Variants in EXD3 observed in about 807,000 individuals in gnomAD.
The protein encoded by EXD3 is exonuclease 3'-5' domain containing 3, also known as exonuclease mut-7 homolog.
Under a neutral mutation model 98.0 loss-of-function variants are expected in EXD3, and 92 were observed. That is an observed-to-expected ratio of 0.94 (90% confidence interval 0.79 to 1.12). The LOEUF is 1.12. Among genes scored for constraint, EXD3 ranks in the 50% most tolerant of loss-of-function variants. The probability of loss-of-function intolerance (pLI) is 0.00; values close to 1 mark genes in which losing one functional copy is unlikely to be tolerated. For missense variants in EXD3, 1,222 were observed against 1,191.6 expected (o/e 1.03, Z -0.38); for synonymous variants, 569 against 526.0 (o/e 1.08, Z -1.12).
In EXD3 at chr9:137,327,428, C is replaced by T. The variant is rs566013814; in HGVS notation, c.1999-3285G>A. 1.1e-3 allele frequency among the ~76,000 whole-genome samples: 167 copies of T among 152,188 alleles called. 1 individual carries two copies. Among genetic ancestry groups the T allele is most frequent in the African/African-American group, 3.5e-3 (147 of 41,504 alleles). On this transcript the variant is annotated intron_variant, in intron 17 of 21. Transcript: ENST00000340951. ...GATTACAGGTGTGAGCCACCGCGCC[C>T]GGCCAGTATGGAGTCTTTGGGATGA...
chr9:137,364,913 C>T (rs1017715630), intron 7 of EXD3, among the ~76,000 whole-genome samples: 16 of 151,618 alleles, frequency 1.1e-4, no homozygotes, highest in South Asian at 2.1e-4. Context: ...GGACTACAGG[C>T]GCCTGCTACC....
chr9:137,322,002 C>T (rs1336770758), intron 19 of EXD3, among the ~76,000 whole-genome samples: 2 of 152,212 alleles, frequency 1.3e-5, no homozygotes, highest in Non-Finnish European at 2.9e-5. Context: ...CCCAGTCCCC[C>T]ACTGGGGACA....
intron 1 of EXD3, among the ~76,000 whole-genome samples, chr9:137,396,429 G>A (rs1487958228): frequency 3.3e-5 from 5 of 152,130 alleles, no homozygotes; most frequent in Non-Finnish European, 5.9e-5. Context: ...TGTGAACTCC[G>A]AATCCTAACA....
At chr9:137,361,611 T>C (rs1010621993) in intron 7 of EXD3, among the ~76,000 whole-genome samples, 10 of 151,010 alleles carry the variant, frequency 6.6e-5, no homozygotes, top group Non-Finnish European at 8.9e-5. Flanking sequence ...CCAGGTGTGG[T>C]GGCAGGAGCC....
chr9:137,420,960 G>A (rs1838487544), intron 1 of EXD3, among the ~76,000 whole-genome samples: 1 of 152,164 alleles, frequency 6.6e-6, no homozygotes, highest in Non-Finnish European at 1.5e-5. Context: ...GACTACAGGT[G>A]AGCACCACTA....
At chr9:137,396,843 T>C (rs1396597326) in intron 1 of EXD3, among the ~76,000 whole-genome samples, 1 of 152,172 alleles carries the variant, frequency 6.6e-6, no homozygotes, top group Non-Finnish European at 1.5e-5. Context: ...TGATATATCT[T>C]AGGAAACCAG....
chr9:137,353,612 G>A (rs543154786), intron 10 of EXD3: 499 of 985,972 alleles, frequency 5.1e-4, no homozygotes, highest in Admixed American at 8.0e-4. Context: ...AGCCACCGTG[G>A]CAGCGCCCAG....
chr9:137,314,142 G>A (rs1477348544), intron 19 of EXD3, among the ~76,000 whole-genome samples: 2 of 152,174 alleles, frequency 1.3e-5, no homozygotes, highest in African/African-American at 4.8e-5. Context: ...TGCTGGACAG[G>A]GCGAGCCAGC....
At chr9:137,343,575 C>CTGTTTTTTTTT (rs1833760148) in intron 17 of EXD3, 1 of 56,586 alleles carries the variant, frequency 1.8e-5, no homozygotes, top group African/African-American at 7.9e-5. Context: ...ACTACTGTAT[C>CTGTTTTTTTTT]TTTTTTTTTT....
Position 137,349,280 on chromosome 9 carries a change from C to T in EXD3, c.1660G>A (p.Ala554Thr). 1 of 1,564,580 alleles carries T rather than the reference C, an allele frequency of 6.4e-7. No homozygotes were observed. Among genetic ancestry groups the T allele is most frequent in the African/African-American group, 1.3e-5 (1 of 74,176 alleles). Residue 554 changes from alanine to threonine, a missense_variant and splice_region_variant, in exon 16 of 22, where the codon GCC (alanine) becomes ACC (threonine). Coordinates refer to ENST00000340951, the MANE Select transcript of EXD3 (RefSeq NM_017820.5). The surrounding 1 kb of genome is among the most constrained non-coding windows in gnomAD (Gnocchi z 7.4). The stretch of plus-strand genomic sequence containing the variant: ...ACCTCCAGCAGGCAGTAGGCGTCGG[C>T]AGCTGTGTGGGGAGTCGGCCTCAGC... ...LCEEQVIYAAADAYCLLEVHQ... is the reference protein window; with the variant it reads ...LCEEQVIYAATDAYCLLEVHQ...
intron 9 of EXD3, 92 bp from the exon 10 acceptor site, chr9:137,354,469 A>G (rs1834503233): frequency 1.3e-6 from 2 of 1,583,092 alleles, no homozygotes; most frequent in Non-Finnish European, 1.7e-6. Flanking sequence ...CTGGCAGGGT[A>G]CATCCTTGGC....
intron 21 of EXD3, 65 bp from the exon 22 acceptor site, chr9:137,307,328 A>C (rs1588207527): frequency 7.0e-7 from 1 of 1,438,746 alleles, no homozygotes; most frequent in Non-Finnish European, 9.1e-7. Flanking sequence ...GGCTGCTCCC[A>C]GAGTGGTGCA....
In EXD3 at chr9:137,359,087, C is replaced by T. The variant is rs1187125344; in HGVS notation, c.657-2719G>A. On this transcript the variant is annotated intron_variant, in intron 7 of 21. Transcript: ENST00000340951. Reference sequence around the variant, plus strand: ...TCAGCCTCCAGAGTAGCTGGGACTACAGGCGCCCGCCACCACGCCTGGGTA... The same window carrying T: ...TCAGCCTCCAGAGTAGCTGGGACTATAGGCGCCCGCCACCACGCCTGGGTA... 6.1e-5 allele frequency among the ~76,000 whole-genome samples: 2 copies of T among 32,848 alleles called. 1 individual carries two copies. Among genetic ancestry groups the T allele is most frequent in the Non-Finnish European group, 1.8e-4 (2 of 11,100 alleles). 21.5% of individuals were successfully genotyped at this position (32,848 alleles called of 152,430 possible).
intron 7 of EXD3, chr9:137,366,282 C>A (rs1293623539): frequency 6.8e-6 from 5 of 732,316 alleles, no homozygotes; most frequent in Admixed American, 2.0e-5. Context: ...TCTTTTCACT[C>A]GGGAGAAGAG....
rs147848320 is a variant in EXD3, at chr9:137,360,155, T to C, written c.657-3787A>G. Reference sequence around the variant, plus strand: ...TGCATTTCCCTGATATTAATGGTGCTTAGCAACTTTTCCTACATTGGCTAT... The same window carrying C: ...TGCATTTCCCTGATATTAATGGTGCCTAGCAACTTTTCCTACATTGGCTAT... On this transcript the variant is annotated intron_variant, in intron 7 of 21. Transcript: ENST00000340951. Among the ~76,000 whole-genome samples, 441 of 86,584 alleles carry C rather than the reference T, an allele frequency of 5.1e-3. 133 individuals carry two copies. Among genetic ancestry groups the C allele is most frequent in the African/African-American group, 0.013 (414 of 31,354 alleles). 56.8% of individuals were successfully genotyped at this position (86,584 alleles called of 152,430 possible).
intron 1 of EXD3, among the ~76,000 whole-genome samples, chr9:137,411,441 A>G (rs1447490534): frequency 1.3e-5 from 2 of 151,826 alleles, no homozygotes; most frequent in Non-Finnish European, 2.9e-5. Context: ...GAGCCTCCAC[A>G]GGAAGGCGGG....
intron 19 of EXD3, among the ~76,000 whole-genome samples, chr9:137,311,339 G>A (rs1831349694): frequency 6.6e-6 from 1 of 152,244 alleles, no homozygotes; most frequent in Admixed American, 6.5e-5. Context: ...CTGCAGGTCT[G>A]GCTGGGAAGG....
chr9:137,353,860 G>T (rs1834447922), intron 10 of EXD3: 1 of 987,406 alleles, frequency 1.0e-6, no homozygotes. Flanking sequence ...AGGCCCAGCA[G>T]CCTGAGGCTG....
At chr9:137,394,796 G>A (rs914007888) in intron 2 of EXD3, among the ~76,000 whole-genome samples, 1 of 152,188 alleles carries the variant, frequency 6.6e-6, no homozygotes, top group East Asian at 1.9e-4. Flanking sequence ...GAGGGCAGAT[G>A]TTCTTCTTAA....
Sources: gnomAD v4.1 joint callset for allele counts (sites outside exome capture counted in the v4.1 genomes callset) on GRCh38, gnomAD v4.1.1 for gene constraint, Gnocchi (gnomAD v3.1) non-coding constraint, MANE v1.5 for transcripts, NCBI Gene and HGNC (gene_info 2026-07-23, HGNC 2026-07-21) for gene names.